Variants in RARB observed in about 807,000 individuals in gnomAD.
The protein encoded by RARB is HBV-activated protein.
Under a neutral mutation model 51.9 loss-of-function variants are expected in RARB, and 17 were observed. The ratio of observed to expected loss-of-function variants is 0.33; its 90% CI spans 0.22 to 0.49. The LOEUF is 0.49. Among genes scored for constraint, RARB ranks in the 20% least tolerant of loss-of-function variants. The probability of loss-of-function intolerance (pLI) is 0.99; values close to 1 mark genes in which losing one functional copy is unlikely to be tolerated. For synonymous variants in RARB, 215 were observed against 195.4 expected, an observed-to-expected ratio of 1.10 and a Z score of -0.84; for missense variants, 369 against 550.8, an observed-to-expected ratio of 0.67 and a Z score of 3.30.
chr3:25,453,221 CTGGGG>C (rs1161029079), intron 1 of RARB, among the ~76,000 whole-genome samples: 1 of 140,870 alleles, frequency 7.1e-6, no homozygotes, highest in African/African-American at 2.7e-5. Flanking sequence ...TTCTGCATTT[CTGGGG>C]TGGGGCCAAG....
intron 3 of RARB, among the ~76,000 whole-genome samples, chr3:25,503,843 G>A (rs1370987331): frequency 6.6e-6 from 1 of 152,180 alleles, no homozygotes; most frequent in Non-Finnish European, 1.5e-5. Flanking sequence ...AATGTTAGAA[G>A]TGAAAAGGGA....
At position 25,534,911 on chromosome 3, in the gene RARB, G is replaced by A. The variant is rs1401673519; in HGVS notation, c.448+33588G>A. 2.6e-5 allele frequency among the ~76,000 whole-genome samples: 4 copies of A among 152,296 alleles called. No homozygotes were observed. The East Asian group carries it at 7.7e-4, about 29-fold the overall frequency. ...GAGACCCTTCCTTCAGGTGCACCCA[G>A]ATGTGTCATTCTGAAGCCCAGACCA... On this transcript the variant is annotated intron_variant, in intron 3 of 7. Transcript: ENST00000330688.
chr3:25,334,157 A>G (rs1704989882), intron 5 of RARB, among the ~76,000 whole-genome samples: 1 of 152,212 alleles, frequency 6.6e-6, no homozygotes, highest in Non-Finnish European at 1.5e-5. Flanking sequence ...ATACCATTTG[A>G]CCCAGTCATC....
chr3:24,982,763 A>G (rs1404391875), intron 2 of RARB, among the ~76,000 whole-genome samples: 2 of 152,122 alleles, frequency 1.3e-5, no homozygotes. Context: ...CCCTGGGGGA[A>G]TTTTAGAAAT....
chr3:24,885,946 T>G (rs978616737), intron 2 of RARB, among the ~76,000 whole-genome samples: 1 of 152,196 alleles, frequency 6.6e-6, no homozygotes. Context: ...CCTACTCATA[T>G]ATTATACTGT....
At chr3:25,509,353 T>A (rs1212523677) in intron 3 of RARB, among the ~76,000 whole-genome samples, 1 of 152,256 alleles carries the variant, frequency 6.6e-6, no homozygotes, top group Non-Finnish European at 1.5e-5. Flanking sequence ...GGTTGTCTGC[T>A]ACTGCTTCTT....
At chr3:25,111,004 T>C (rs1422821400) in intron 3 of RARB, among the ~76,000 whole-genome samples, 2 of 152,166 alleles carry the variant, frequency 1.3e-5, no homozygotes, top group Non-Finnish European at 2.9e-5. Flanking sequence ...ACAGTGGGAA[T>C]AGGGAGATAT....
At chr3:25,359,411 T>TAA (rs200320151) in intron 5 of RARB, among the ~76,000 whole-genome samples, 5 of 151,516 alleles carry the variant, frequency 3.3e-5, no homozygotes, top group African/African-American at 1.2e-4. Flanking sequence ...TGTTAATTTT[T>TAA]TAAAAAAATA....
rs75008189 is a variant in RARB, at chr3:25,186,533, A to G, written c.178+11958A>G. Among the ~76,000 whole-genome samples, 998 of 152,240 alleles carry G rather than the reference A, an allele frequency of 6.6e-3. 8 individuals carry two copies. Among genetic ancestry groups the G allele is most frequent in the African/African-American group, 0.022 (903 of 41,554 alleles). ...TCATAGATTATAAAAAAAGGATGCTATTTGAATATGAGCAGATGTAGGCAA... is the reference window on the plus strand; with the variant it reads ...TCATAGATTATAAAAAAAGGATGCTGTTTGAATATGAGCAGATGTAGGCAA... On this transcript the variant is annotated intron_variant, in intron 5 of 11. Coordinates refer to the RARB transcript ENST00000383772.
chr3:25,405,680 T>C (rs1210265192), intron 5 of RARB, among the ~76,000 whole-genome samples: 2 of 152,252 alleles, frequency 1.3e-5, no homozygotes, highest in East Asian at 3.8e-4. Context: ...AATTCTGTTG[T>C]TCAGTCATAG....
At chr3:25,101,983 T>A (rs1699408808) in intron 3 of RARB, among the ~76,000 whole-genome samples, 1 of 152,192 alleles carries the variant, frequency 6.6e-6, no homozygotes, top group South Asian at 2.1e-4. Context: ...TTGAGAATGA[T>A]GTCTGTTGTA....
chr3:25,525,553 G>GAC (rs61393213), intron 3 of RARB, among the ~76,000 whole-genome samples: 18,804 of 152,108 alleles, frequency 0.12, 1,716 homozygotes, highest in East Asian at 0.38. Flanking sequence ...TTACTATGTA[G>GAC]ACTTTCAACA....
chr3:24,938,515 TA>T (rs533446075), intron 2 of RARB, among the ~76,000 whole-genome samples: 138 of 152,332 alleles, frequency 9.1e-4, no homozygotes, highest in Middle Eastern at 3.4e-3. Flanking sequence ...TTGTGATGCT[TA>T]GCTCCAGTAA....
At position 24,856,198 on chromosome 3, in the gene RARB, T is replaced by C. The variant is rs114097284; in HGVS notation, c.-458-2476T>C. On this transcript the variant is annotated intron_variant, in intron 1 of 11. Coordinates refer to the RARB transcript ENST00000383772. ...CAGTGGAATTTTGCAGGGATAAAAA[T>C]TCATCCATGAGGCTCTAAGACCTTC... 9.4e-3 allele frequency among the ~76,000 whole-genome samples: 1,436 copies of C among 152,234 alleles called. 20 individuals carry two copies. The highest frequency in any genetic ancestry group is 0.033 in the African/African-American group (1,358 of 41,540).
intron 5 of RARB, among the ~76,000 whole-genome samples, chr3:25,301,992 A>C (rs1302114967): frequency 2.0e-5 from 3 of 152,226 alleles, no homozygotes; most frequent in Non-Finnish European, 4.4e-5. Context: ...ATGAGAAACT[A>C]ACAGCAAAAC....
chr3:25,171,649 A>AAAAAAAAAAAC (rs1700649143), intron 4 of RARB, among the ~76,000 whole-genome samples: 1 of 146,758 alleles, frequency 6.8e-6, no homozygotes, highest in Non-Finnish European at 1.5e-5. Flanking sequence ...TTGGTAAAAA[A>AAAAAAAAAAAC]AAAAAAAAAA....
intron 5 of RARB, among the ~76,000 whole-genome samples, chr3:25,237,880 T>C (rs1702340321): frequency 6.6e-6 from 1 of 152,082 alleles, no homozygotes; most frequent in South Asian, 2.1e-4. Context: ...TGTGACTGGC[T>C]TCTTTTTTTT....
intron 5 of RARB, among the ~76,000 whole-genome samples, chr3:25,348,897 A>G (rs1312409224): frequency 6.6e-6 from 1 of 152,170 alleles, no homozygotes; most frequent in African/African-American, 2.4e-5. Context: ...TTCCATATGA[A>G]GCCTATGCTG....
At chr3:25,359,288 C>G (rs1462436221) in intron 5 of RARB, among the ~76,000 whole-genome samples, 1 of 152,088 alleles carries the variant, frequency 6.6e-6, no homozygotes, top group Non-Finnish European at 1.5e-5. Context: ...ATAGTATTCA[C>G]TGATGGTAGT....
Sources: allele counts gnomAD v4.1 joint callset (sites outside exome capture counted in the v4.1 genomes callset), GRCh38; gene constraint gnomAD v4.1.1; transcripts MANE v1.5; gene names NCBI Gene and HGNC (gene_info 2026-07-23, HGNC 2026-07-21).